Variants in MDFIC observed in about 807,000 individuals in gnomAD.
The protein encoded by MDFIC is MyoD family inhibitor domain containing.
A neutral mutation model predicts 23.2 loss-of-function variants in MDFIC; 17 were observed. That is an observed-to-expected ratio of 0.73 (90% CI 0.50 to 1.10). The LOEUF is 1.10. Ranked by LOEUF, MDFIC falls within the 50% of genes least tolerant of loss-of-function variation. The pLI, the probability that MDFIC is intolerant of heterozygous loss-of-function variation, is 0.00. For synonymous variants in MDFIC, 120 were observed against 115.2 expected, an observed-to-expected ratio of 1.04 and a Z score of -0.27; for missense variants, 356 against 316.6, an observed-to-expected ratio of 1.12 and a Z score of -0.95.
intron 3 of MDFIC, among the ~76,000 whole-genome samples, chr7:114,943,245 T>G (rs1021349275): frequency 3.3e-5 from 5 of 152,214 alleles, no homozygotes; most frequent in African/African-American, 1.2e-4. Context: ...TTAGTTTAAG[T>G]AACTTCATAC....
At chr7:114,988,006 C>A (rs184960896) in intron 4 of MDFIC, among the ~76,000 whole-genome samples, 15 of 152,240 alleles carry the variant, frequency 9.9e-5, no homozygotes, top group African/African-American at 3.6e-4. Context: ...AATATTGAAA[C>A]ATAGAGATAA....
At chr7:114,991,058 G>A (rs913521404) in intron 4 of MDFIC, among the ~76,000 whole-genome samples, 3 of 151,858 alleles carry the variant, frequency 2.0e-5, no homozygotes, top group Non-Finnish European at 2.9e-5. Flanking sequence ...GTGTGAGATG[G>A]TATCTCATTG....
intron 2 of MDFIC, among the ~76,000 whole-genome samples, chr7:114,937,687 T>C (rs1299493569): frequency 6.6e-6 from 1 of 152,174 alleles, no homozygotes; most frequent in Non-Finnish European, 1.5e-5. Context: ...TGTGTGTGTG[T>C]TTGGTCTTCC....
chr7:115,001,182 T>C (rs952809770), intron 4 of MDFIC, among the ~76,000 whole-genome samples: 1 of 152,220 alleles, frequency 6.6e-6, no homozygotes, highest in Non-Finnish European at 1.5e-5. Context: ...AGAAAAAATA[T>C]TCCTACAAAT....
intron 4 of MDFIC, chr7:115,014,675 A>G: frequency 1.9e-6 from 1 of 512,924 alleles, no homozygotes. Context: ...GTAAAAATTC[A>G]CAACTATTTC....
In MDFIC at chr7:114,922,432, G is replaced by A. The variant is rs1792099891; in HGVS notation, c.-312G>A. The A allele has an allele frequency of 1.6e-6, 2 of 1,241,740 alleles. No homozygotes were observed. Among genetic ancestry groups the A allele is most frequent in the Non-Finnish European group, 2.0e-6 (2 of 989,066 alleles). 76.9% of individuals were successfully genotyped at this position (1,241,740 alleles called of 1,614,324 possible). A position where few individuals can be genotyped will look rare whatever the true frequency, so the allele number is the denominator to read the frequency against. On this transcript the variant is annotated 5_prime_UTR_variant, in exon 1 of 5. Transcript: ENST00000393486. ...AGGGGGCGGAGTGCGCGGAGTCAGAGCCGCCACCGCTGCCGCAGTTGCCGC... is the reference window on the plus strand; with the variant it reads ...AGGGGGCGGAGTGCGCGGAGTCAGAACCGCCACCGCTGCCGCAGTTGCCGC...
intron 3 of MDFIC, among the ~76,000 whole-genome samples, chr7:114,954,669 T>C (rs1483388964): frequency 1.3e-5 from 2 of 152,228 alleles, no homozygotes; most frequent in Non-Finnish European, 2.9e-5. Context: ...TACTGGGTCA[T>C]TGTAGTTTAT....
At chr7:114,990,592 T>A (rs1793590336) in intron 4 of MDFIC, among the ~76,000 whole-genome samples, 1 of 152,216 alleles carries the variant, frequency 6.6e-6, no homozygotes, top group African/African-American at 2.4e-5. Context: ...AGTGAGAACA[T>A]GCAGTGTTTG....
At chr7:115,006,821 T>G (rs976296287) in intron 4 of MDFIC, among the ~76,000 whole-genome samples, 1 of 152,216 alleles carries the variant, frequency 6.6e-6, no homozygotes, top group African/African-American at 2.4e-5. Context: ...TAAAGTAGAT[T>G]TTATTATCCA....
intron 2 of MDFIC, chr7:114,933,989 C>G (rs1365466030): frequency 6.6e-6 from 1 of 152,178 alleles, no homozygotes; most frequent in Non-Finnish European, 1.5e-5. Flanking sequence ...AGTATTCATA[C>G]CTACAGTCCT....
chr7:114,951,544 T>G (rs933821389), intron 3 of MDFIC, among the ~76,000 whole-genome samples: 3 of 152,228 alleles, frequency 2.0e-5, no homozygotes, highest in African/African-American at 7.2e-5. Flanking sequence ...TTTTTCTTAA[T>G]GCAAGATATA....
intron 1 of MDFIC, 97 bp from the exon 2 acceptor site, chr7:114,922,830 G>C (rs1333670362): frequency 1.4e-6 from 2 of 1,409,706 alleles, no homozygotes; most frequent in African/African-American, 1.5e-5. Flanking sequence ...GGTGGAGTTT[G>C]AGGGAGGGAA....
chr7:114,964,214 G>A (rs1235654269), intron 3 of MDFIC, among the ~76,000 whole-genome samples: 2 of 152,134 alleles, frequency 1.3e-5, no homozygotes, highest in African/African-American at 2.4e-5. Context: ...ATTTGAATTA[G>A]AAATAATAAT....
Position 114,942,374 on chromosome 7 carries a change from C to T in MDFIC, c.194C>T (p.Pro65Leu), listed in dbSNP as rs1253872387. 1.2e-6 allele frequency: 2 copies of T among 1,601,734 alleles called. No individual in the cohort carries two copies. Among genetic ancestry groups the T allele is most frequent in the Non-Finnish European group, 1.7e-6 (2 of 1,174,432 alleles). Residue 65 changes from proline to leucine, a missense_variant, in exon 3 of 5, where the codon CCT becomes CTT. Transcript: ENST00000393486. ...EMQDQSIWGN[P>L]SDGELIRTQP... is the part of the protein sequence containing the mutation. The stretch of plus-strand genomic sequence containing the variant: ...CAAGACCAGTCCATTTGGGGAAATC[C>T]TTCGGATGGTGAACTCATTAGAAGT...
intron 4 of MDFIC, among the ~76,000 whole-genome samples, chr7:114,999,694 G>T (rs1183455367): frequency 6.6e-6 from 1 of 151,784 alleles, no homozygotes; most frequent in Non-Finnish European, 1.5e-5. Flanking sequence ...AAATATAGGT[G>T]GTTTAAGTTG....
intron 4 of MDFIC, among the ~76,000 whole-genome samples, chr7:114,996,351 G>A (rs1281116758): frequency 6.6e-6 from 1 of 152,144 alleles, no homozygotes; most frequent in East Asian, 1.9e-4. Flanking sequence ...TGAGATTTTG[G>A]TGTGAAAGAC....
chr7:114,946,864 C>G (rs970928704), intron 3 of MDFIC, among the ~76,000 whole-genome samples: 4 of 152,154 alleles, frequency 2.6e-5, no homozygotes, highest in African/African-American at 9.7e-5. Context: ...TCTATTATTT[C>G]TTTTCCTAGC....
intron 3 of MDFIC, among the ~76,000 whole-genome samples, chr7:114,953,063 C>T (rs970767489): frequency 6.6e-6 from 1 of 151,888 alleles, no homozygotes. Context: ...TTAATCTTAC[C>T]AAATGGTTTT....
chr7:114,960,822 A>G (rs1476417048), intron 3 of MDFIC, among the ~76,000 whole-genome samples: 2 of 152,182 alleles, frequency 1.3e-5, no homozygotes, highest in East Asian at 3.8e-4. Flanking sequence ...AAAAAGGTAC[A>G]CATTTAAAGA....
Sources: allele counts gnomAD v4.1 joint callset (sites outside exome capture counted in the v4.1 genomes callset), GRCh38; gene constraint gnomAD v4.1.1; transcripts MANE v1.5; gene names NCBI Gene and HGNC (gene_info 2026-07-23, HGNC 2026-07-21).